Variants in SMYD3 observed in about 807,000 individuals in gnomAD.
SMYD3 encodes the protein SET and MYND domain containing 3.
SMYD3 carries 36 observed loss-of-function variants against 57.7 expected under a neutral mutation model. The ratio of observed to expected loss-of-function variants is 0.62; its 90% CI spans 0.48 to 0.82. SMYD3 has a LOEUF of 0.82. Among genes scored for constraint, SMYD3 ranks in the 40% least tolerant of loss-of-function variants. The probability of loss-of-function intolerance (pLI) is 0.00; values close to 1 mark genes in which losing one functional copy is unlikely to be tolerated. For missense variants in SMYD3, 515 were observed against 538.8 expected, an observed-to-expected ratio of 0.96 and a Z score of 0.44; for synonymous variants, 211 against 195.0, an observed-to-expected ratio of 1.08 and a Z score of -0.68.
At chr1:246,463,661 CAAAAAA>C (rs35482116) in intron 1 of SMYD3, among the ~76,000 whole-genome samples, 2 of 73,126 alleles carry the variant, frequency 2.7e-5, no homozygotes, top group African/African-American at 1.1e-4. Flanking sequence ...ACTAAAAATA[CAAAAAA>C]AAAAAAAAAA....
rs1033425178 is a variant in SMYD3 at position 246,210,278 on chromosome 1, C to T, written c.531+116923G>A. Among the ~76,000 whole-genome samples the T allele has an allele frequency of 8.5e-5, 13 of 152,248 alleles. No homozygotes were observed. The South Asian group carries it at 1.2e-3, about 15-fold the overall frequency. On this transcript the variant is annotated intron_variant, in intron 5 of 11. Coordinates refer to ENST00000490107, the MANE Select transcript of SMYD3 (RefSeq NM_001167740.2). The stretch of plus-strand genomic sequence containing the variant: ...TGCAGCAATGGTGCCTACCATCACA[C>T]GCATAGTGCACATGTCAGCAACGTA...
At chr1:246,363,853 C>CAG (rs1166638198) in intron 1 of SMYD3, among the ~76,000 whole-genome samples, 2 of 152,122 alleles carry the variant, frequency 1.3e-5, no homozygotes, top group African/African-American at 4.8e-5. Flanking sequence ...TGCTGACCTT[C>CAG]CCTCCACTAT....
chr1:245,760,466 G>A (rs1161912321), intron 11 of SMYD3, among the ~76,000 whole-genome samples: 2 of 152,092 alleles, frequency 1.3e-5, no homozygotes, highest in East Asian at 1.9e-4. Context: ...GCTTTCCTAG[G>A]GATGGATACA....
chr1:246,248,638 T>TTTTTTTTG (rs2063748131), intron 5 of SMYD3, among the ~76,000 whole-genome samples: 1 of 108,286 alleles, frequency 9.2e-6, no homozygotes, highest in Admixed American at 8.8e-5. Flanking sequence ...TGACTTTCCT[T>TTTTTTTTG]TTTTTTTTTT....
intron 2 of SMYD3, among the ~76,000 whole-genome samples, chr1:246,346,080 C>T (rs1259714469): frequency 2.6e-5 from 4 of 152,124 alleles, no homozygotes; most frequent in Admixed American, 6.5e-5. Context: ...GTCAGGAGAT[C>T]GAGACCATCC....
chr1:246,206,873 G>A (rs1322099892), intron 5 of SMYD3, among the ~76,000 whole-genome samples: 1 of 152,148 alleles, frequency 6.6e-6, no homozygotes, highest in East Asian at 1.9e-4. Flanking sequence ...CAGCTCAGCT[G>A]ATTTAACAAC....
chr1:246,104,059 AAC>A (rs1388306728), intron 5 of SMYD3, among the ~76,000 whole-genome samples: 2 of 152,196 alleles, frequency 1.3e-5, no homozygotes. Context: ...ATGGAACACA[AAC>A]TATTAGTTCT....
intron 1 of SMYD3, among the ~76,000 whole-genome samples, chr1:246,384,457 G>T (rs1161011127): frequency 6.6e-6 from 1 of 151,784 alleles, no homozygotes; most frequent in Non-Finnish European, 1.5e-5. Flanking sequence ...GTGCAGTGGT[G>T]CCATCTCGGC....
chr1:246,031,072 T>C (rs941184710), intron 5 of SMYD3, among the ~76,000 whole-genome samples: 1 of 152,176 alleles, frequency 6.6e-6, no homozygotes, highest in Admixed American at 6.5e-5. Context: ...AAACTTAGTA[T>C]GGAATCACCT....
At chr1:246,194,177 T>TA (rs773103505) in intron 5 of SMYD3, among the ~76,000 whole-genome samples, 1 of 152,080 alleles carries the variant, frequency 6.6e-6, no homozygotes, top group Non-Finnish European at 1.5e-5. Context: ...GTTGTTGTTT[T>TA]AAAAAAGTAT....
At chr1:246,369,108 A>G (rs1205481445) in intron 1 of SMYD3, among the ~76,000 whole-genome samples, 1 of 152,194 alleles carries the variant, frequency 6.6e-6, no homozygotes, top group African/African-American at 2.4e-5. Flanking sequence ...ATAACATTAC[A>G]TGGGCCCTGA....
At chr1:246,411,053 T>A (rs199954239) in intron 1 of SMYD3, among the ~76,000 whole-genome samples, 5 of 151,954 alleles carry the variant, frequency 3.3e-5, no homozygotes, top group Non-Finnish European at 7.4e-5. Flanking sequence ...TTGATTCTTC[T>A]CTCTTTTCTT....
chr1:246,067,218 C>T (rs1484991348), intron 5 of SMYD3, among the ~76,000 whole-genome samples: 2 of 152,242 alleles, frequency 1.3e-5, no homozygotes, highest in Admixed American at 1.3e-4. Flanking sequence ...AAAATATACC[C>T]AATTCTAATA....
At chr1:245,790,726 T>C (rs1167737006) in intron 10 of SMYD3, among the ~76,000 whole-genome samples, 1 of 152,204 alleles carries the variant, frequency 6.6e-6, no homozygotes, top group African/African-American at 2.4e-5. Context: ...ACCATTTGCA[T>C]GGACACTGCT....
chr1:246,173,986 T>A (rs941991441), intron 5 of SMYD3, among the ~76,000 whole-genome samples: 39 of 152,062 alleles, frequency 2.6e-4, no homozygotes, highest in Admixed American at 2.6e-4. Context: ...TTTATTTTTA[T>A]TTTTGCAGAC....
intron 10 of SMYD3, among the ~76,000 whole-genome samples, chr1:245,785,004 C>T (rs942138528): frequency 1.3e-5 from 2 of 151,656 alleles, no homozygotes; most frequent in East Asian, 1.9e-4. Flanking sequence ...CATGTACCAT[C>T]GTGCCCAGCT....
rs77078114 is a variant in SMYD3 at position 246,152,444 on chromosome 1, C to T, written c.531+174757G>A. 7.9e-5 allele frequency among the ~76,000 whole-genome samples: 12 copies of T among 152,314 alleles called. No homozygotes were observed. In the East Asian group the frequency reaches 1.9e-3, roughly 24 times the overall value. ...CCTGAGCAATTATAAGTTGGTAAAG[C>T]AAGAGTTATGTGCCTTGAAACTAAT... On this transcript the variant is annotated intron_variant, in intron 5 of 11. Transcript: ENST00000490107.
At chr1:246,085,425 T>A (rs2060706034) in intron 5 of SMYD3, among the ~76,000 whole-genome samples, 1 of 151,960 alleles carries the variant, frequency 6.6e-6, no homozygotes, top group Non-Finnish European at 1.5e-5. Flanking sequence ...CCTCCCCTTC[T>A]CCCCTGAAAA....
chr1:245,982,713 C>A (rs547750472), intron 5 of SMYD3, among the ~76,000 whole-genome samples: 90 of 152,266 alleles, frequency 5.9e-4, no homozygotes, highest in African/African-American at 2.0e-3. Flanking sequence ...ACTGTGTTTA[C>A]AATATTAACA....
Sources: allele counts gnomAD v4.1 joint callset (sites outside exome capture counted in the v4.1 genomes callset), GRCh38; gene constraint gnomAD v4.1.1; transcripts MANE v1.5; gene names NCBI Gene and HGNC (gene_info 2026-07-23, HGNC 2026-07-21).